Variants in VTI1A observed in about 807,000 individuals in gnomAD.
The protein encoded by VTI1A is vesicle transport through interaction with t-SNAREs 1A, also known as vesicle transport through interaction with t-SNAREs homolog 1A.
A neutral mutation model predicts 34.9 loss-of-function variants in VTI1A; 22 were observed. That is an observed-to-expected ratio of 0.63 (90% CI 0.45 to 0.90). The LOEUF is 0.90. Ranked by LOEUF, VTI1A falls within the 40% of genes least tolerant of loss-of-function variation. The pLI is 0.00. For synonymous variants in VTI1A, 87 were observed against 97.3 expected (o/e 0.89, Z 0.62); for missense variants, 268 against 275.6 (o/e 0.97, Z 0.20).
intron 7 of VTI1A, among the ~76,000 whole-genome samples, chr10:112,725,281 G>A (rs1014807724): frequency 3.3e-5 from 5 of 152,032 alleles, no homozygotes; most frequent in South Asian, 2.1e-4. Context: ...GTAGATTATC[G>A]TCCTGTAAAA....
chr10:112,775,450 C>A (rs1851933265), intron 7 of VTI1A, among the ~76,000 whole-genome samples: 2 of 152,160 alleles, frequency 1.3e-5, no homozygotes. Flanking sequence ...TCCTAGAATT[C>A]TTTTGCAATG....
At chr10:112,570,402 A>G (rs78601482) in intron 5 of VTI1A, among the ~76,000 whole-genome samples, 1 of 152,180 alleles carries the variant, frequency 6.6e-6, no homozygotes, top group African/African-American at 2.4e-5. Context: ...TAATATTGGC[A>G]TTCTAGTAGT....
chr10:112,836,710 C>T, the VTI1A span, among the ~76,000 whole-genome samples: 1 of 152,090 alleles, frequency 6.6e-6, no homozygotes, highest in South Asian at 2.1e-4. Flanking sequence ...AAATGAAATG[C>T]AGTTGACTGT....
intron 7 of VTI1A, among the ~76,000 whole-genome samples, chr10:112,714,386 T>TA (rs764607469): frequency 5.9e-5 from 9 of 152,218 alleles, no homozygotes; most frequent in Non-Finnish European, 1.3e-4. Flanking sequence ...CTTGTTGGCT[T>TA]ATTGTCATCA....
intron 7 of VTI1A, among the ~76,000 whole-genome samples, chr10:112,762,658 T>C (rs1851507916): frequency 6.6e-6 from 1 of 152,220 alleles, no homozygotes; most frequent in Non-Finnish European, 1.5e-5. Flanking sequence ...GCAAGGGATA[T>C]GCAGTCATTA....
At chr10:112,743,918 C>T (rs1415561596) in intron 7 of VTI1A, among the ~76,000 whole-genome samples, 1 of 152,166 alleles carries the variant, frequency 6.6e-6, no homozygotes, top group Admixed American at 6.5e-5. Flanking sequence ...CCCTGTTCAA[C>T]CTCAAGTTTC....
chr10:112,584,549 T>C (rs907036312), intron 5 of VTI1A, among the ~76,000 whole-genome samples: 1 of 152,226 alleles, frequency 6.6e-6, no homozygotes, highest in Non-Finnish European at 1.5e-5. Context: ...CATACAGGCA[T>C]GCGCCATTGG....
At chr10:112,493,561 G>A (rs905772728) in intron 3 of VTI1A, among the ~76,000 whole-genome samples, 6 of 152,212 alleles carry the variant, frequency 3.9e-5, no homozygotes, top group Admixed American at 3.9e-4. Flanking sequence ...ATTTTAGGGG[G>A]AAGTATTCTG....
At chr10:112,558,075 A>T (rs542541232) in intron 5 of VTI1A, among the ~76,000 whole-genome samples, 1 of 152,178 alleles carries the variant, frequency 6.6e-6, no homozygotes, top group African/African-American at 2.4e-5. Context: ...ACTCCTGTTC[A>T]TGTGTGTTTC....
At chr10:112,834,230 C>T in the VTI1A span, among the ~76,000 whole-genome samples, 1 of 152,174 alleles carries the variant, frequency 6.6e-6, no homozygotes, top group African/African-American at 2.4e-5. Context: ...AGCCCACACC[C>T]CCGCCCCAGT....
At chr10:112,685,935 A>G (rs1848391033) in intron 7 of VTI1A, among the ~76,000 whole-genome samples, 1 of 152,160 alleles carries the variant, frequency 6.6e-6, no homozygotes, top group South Asian at 2.1e-4. Flanking sequence ...TTACCCTGCC[A>G]CCACCACAAA....
intron 5 of VTI1A, among the ~76,000 whole-genome samples, chr10:112,581,355 C>T (rs1843928162): frequency 6.6e-6 from 1 of 152,204 alleles, no homozygotes; most frequent in Admixed American, 6.5e-5. Context: ...TGTGGTTTCC[C>T]ACGCCTTTTA....
At chr10:112,520,647 G>GTGTGTGTGTA in intron 3 of VTI1A, among the ~76,000 whole-genome samples, 1 of 128,988 alleles carries the variant, frequency 7.8e-6, no homozygotes, top group Middle Eastern at 3.9e-3. Flanking sequence ...GTGTGTGTGT[G>GTGTGTGTGTA]TATATATATA....
chr10:112,687,948 CT>C lies in VTI1A; in HGVS notation c.560+18973del, dbSNP rs11442025. ...GAACCATCCTGGCCGGTGACCAAGT[CT>C]TTTTTTTTTTTTTTTTTTTTTTAAG... is the stretch of plus-strand genomic sequence containing the variant. On this transcript the variant is annotated intron_variant, in intron 7 of 7. Coordinates refer to ENST00000393077, the MANE Select transcript of VTI1A (RefSeq NM_145206.4). Among the ~76,000 whole-genome samples the C allele has an allele frequency of 6.3e-3, 729 of 115,560 alleles. 3 individuals are homozygous for C. Among genetic ancestry groups the C allele is most frequent in the African/African-American group, 0.016 (476 of 29,330 alleles). 75.8% of individuals were successfully genotyped at this position (115,560 alleles called of 152,430 possible). A position where few individuals can be genotyped will look rare whatever the true frequency, so the allele number is the denominator to read the frequency against.
At chr10:112,532,201 G>C (rs996816212) in intron 4 of VTI1A, among the ~76,000 whole-genome samples, 1 of 152,108 alleles carries the variant, frequency 6.6e-6, no homozygotes, top group African/African-American at 2.4e-5. Flanking sequence ...TTGAATTCGG[G>C]ACAAAAACAG....
At chr10:112,626,980 C>T (rs76124550) in intron 5 of VTI1A, among the ~76,000 whole-genome samples, 3,317 of 152,254 alleles carry the variant, frequency 0.022, 44 homozygotes, top group Middle Eastern at 0.037. Flanking sequence ...CTGAAATATT[C>T]GTCCACTAAT....
intron 4 of VTI1A, among the ~76,000 whole-genome samples, chr10:112,532,182 C>T (rs549874726): frequency 6.6e-6 from 1 of 152,282 alleles, no homozygotes; most frequent in South Asian, 2.1e-4. Context: ...GGAATGCATA[C>T]TGCCTTCCTT....
At chr10:112,484,188 C>G (rs1314880402) in intron 3 of VTI1A, among the ~76,000 whole-genome samples, 2 of 152,236 alleles carry the variant, frequency 1.3e-5, no homozygotes, top group Non-Finnish European at 2.9e-5. Flanking sequence ...TACTAACTAG[C>G]TGAGTGCCAT....
intron 7 of VTI1A, among the ~76,000 whole-genome samples, chr10:112,788,361 TC>T (rs1852359483): frequency 6.6e-6 from 1 of 152,210 alleles, no homozygotes; most frequent in Admixed American, 6.5e-5. Flanking sequence ...TCATTGTATC[TC>T]CTCAATACAT....
Sources: gnomAD v4.1 joint callset for allele counts (sites outside exome capture counted in the v4.1 genomes callset) on GRCh38, gnomAD v4.1.1 for gene constraint, MANE v1.5 for transcripts, NCBI Gene and HGNC (gene_info 2026-07-23, HGNC 2026-07-21) for gene names.